Variants in NAGS observed in about 807,000 individuals in gnomAD.
The protein encoded by NAGS is N-acetylglutamate synthase.
Under a neutral mutation model 46.9 loss-of-function variants are expected in NAGS, and 34 were observed. The observed-to-expected ratio is 0.72, with a 90% confidence interval of 0.55 to 0.97. The LOEUF (loss-of-function observed/expected upper bound fraction) is 0.97, where lower values mean the gene tolerates loss of function less well. Among genes scored for constraint, NAGS ranks in the 50% least tolerant of loss-of-function variants. The pLI, the probability that NAGS is intolerant of heterozygous loss-of-function variation, is 0.00. For synonymous variants in NAGS, 334 were observed against 346.3 expected, an observed-to-expected ratio of 0.96 and a Z score of 0.39; for missense variants, 665 against 747.0, an observed-to-expected ratio of 0.89 and a Z score of 1.28.
At position 44,007,596 on chromosome 17, in the gene NAGS, A is replaced by G. The variant is rs752635329; in HGVS notation, c.1274A>G (p.Asn425Ser). 235 of 1,608,962 alleles carry G rather than the reference A, an allele frequency of 1.5e-4. No homozygotes were observed. Among genetic ancestry groups the G allele is most frequent in the Non-Finnish European group, 1.9e-4 (225 of 1,178,110 alleles). The change falls in exon 6 of 7, where the codon AAC (asparagine) becomes AGC (serine). Residue 425 changes from asparagine to serine, a missense_variant. By Grantham distance (46) the Asn-to-Ser change is conservative. Coordinates refer to ENST00000293404, the MANE Select transcript of NAGS (RefSeq NM_153006.3). The surrounding 1 kb of genome is among the most constrained non-coding windows in gnomAD (Gnocchi z 5.1). Reference sequence around the variant, plus strand: ...CCGCTCTCCCGCTGCGCCAGGTACAACGCCGCCGCCATTCTGACCATGGAG... The same window carrying G: ...CCGCTCTCCCGCTGCGCCAGGTACAGCGCCGCCGCCATTCTGACCATGGAG... ...LHSIYVSEGY[N>S]AAAILTMEPV...
At position 44,005,463 on chromosome 17, in the gene NAGS, G is replaced by A. The variant is rs1338130675; in HGVS notation, c.427-174G>A. Among the ~76,000 whole-genome samples the A allele has an allele frequency of 6.6e-6, 1 of 152,222 alleles. No homozygotes were observed. On this transcript the variant is annotated intron_variant, in intron 1 of 6. Coordinates refer to ENST00000293404, the MANE Select transcript of NAGS (RefSeq NM_153006.3). The surrounding 1 kb of genome is among the most constrained non-coding windows in gnomAD (Gnocchi z 7.2). The stretch of plus-strand genomic sequence containing the variant: ...CGGGAGGTACCCCAGCGTGAGACAA[G>A]GGAGTGGCAAGACCCAACGGGGCAA...
At position 44,008,845 on chromosome 17, in the gene NAGS, C is replaced by T. The variant is rs979095853; in HGVS notation, c.*244C>T. 3.4e-6 allele frequency: 2 copies of T among 579,834 alleles called. No individual in the cohort carries two copies. The highest frequency in any genetic ancestry group is 3.0e-5 in the East Asian group (1 of 33,344). The allele number at this position is 579,834 out of a possible 1,614,324, so 35.9% of individuals were successfully genotyped here. A position where few individuals can be genotyped will look rare whatever the true frequency, so the allele number is the denominator to read the frequency against. ...TCTAAAGCTACAACCAAATGGCCTT[C>T]GATTTTCAACCTGGGGATTAGGGGA... On this transcript the variant is annotated 3_prime_UTR_variant, in exon 7 of 7. Coordinates refer to ENST00000293404, the MANE Select transcript of NAGS (RefSeq NM_153006.3).
chr17:44,008,052 C>T (rs1225991936), intron 6 of NAGS, among the ~76,000 whole-genome samples: 1 of 152,196 alleles, frequency 6.6e-6, no homozygotes, highest in Non-Finnish European at 1.5e-5. Context: ...TGGAGGCCTG[C>T]GGCGCCTCCA....
rs2049122574 is a variant in NAGS at position 44,008,481 on chromosome 17, C to G, written c.1485C>G (p.Asn495Lys). The G allele has an allele frequency of 6.2e-7, 1 of 1,614,138 alleles. No individual in the cohort carries two copies. Among genetic ancestry groups the G allele is most frequent in the Admixed American group, 1.7e-5 (1 of 60,010 alleles). ...AACACAGTGATGGCAGCTTCTCCAA[C>G]AAGCAGTGGATCTTCTTCTGGTTTG... is the stretch of plus-strand genomic sequence containing the variant. ...YFKHSDGSFSNKQWIFFWFGL... is the reference protein window; with the variant it reads ...YFKHSDGSFSKKQWIFFWFGL... Residue 495 changes from asparagine to lysine, a missense_variant, in exon 7 of 7, where the codon AAC becomes AAG. By Grantham distance (94) the Asn-to-Lys change is moderately conservative. Transcript: ENST00000293404.
chr17:44,005,176 G>T lies in NAGS; in HGVS notation c.426+87G>T. 1 of 1,484,776 alleles carries T rather than the reference G, an allele frequency of 6.7e-7. No individual in the cohort carries two copies. Among genetic ancestry groups the T allele is most frequent in the Non-Finnish European group, 9.0e-7 (1 of 1,115,936 alleles). 92.0% of individuals were successfully genotyped at this position (1,484,776 alleles called of 1,614,324 possible). A position where few individuals can be genotyped will look rare whatever the true frequency, so the allele number is the denominator to read the frequency against. ...CCTCAGGCATGGCAGGATACGCTGC[G>T]GGCTCTGCGCAGCGGAAGCGGGAAG... On this transcript the variant is annotated intron_variant, in intron 1 of 6. Coordinates refer to ENST00000293404, the MANE Select transcript of NAGS (RefSeq NM_153006.3). The surrounding 1 kb of genome is among the most constrained non-coding windows in gnomAD (Gnocchi z 7.2).
Position 44,006,244 on chromosome 17 carries a change from C to T in NAGS, c.915+7C>T, listed in dbSNP as rs756657125. 1 of 1,612,904 alleles carries T rather than the reference C, an allele frequency of 6.2e-7. No individual in the cohort carries two copies. The highest frequency in any genetic ancestry group is 1.1e-5 in the South Asian group (1 of 91,032). On this transcript the variant is annotated splice_region_variant and intron_variant, in intron 3 of 6. Coordinates refer to ENST00000293404, the MANE Select transcript of NAGS (RefSeq NM_153006.3). This position sits in a 1 kb window ranked among gnomAD's most constrained non-coding sequence, Gnocchi z 4.8. ...GCGCGACAGCAGTCATAAGGTGCGG[C>T]CCTTTCTTTCACCTTCCCCCACGCC...
rs1217858103 is a variant in NAGS, at chr17:44,006,870, G to A, written c.1096+161G>A. 1.2e-5 allele frequency: 9 copies of A among 724,662 alleles called. No homozygotes were observed. The highest frequency in any genetic ancestry group is 1.9e-5 in the South Asian group (1 of 52,876). The allele number at this position is 724,662 out of a possible 1,614,324, so 44.9% of individuals were successfully genotyped here. On this transcript the variant is annotated intron_variant, in intron 4 of 6. Coordinates refer to ENST00000293404, the MANE Select transcript of NAGS (RefSeq NM_153006.3). The surrounding 1 kb of genome is among the most constrained non-coding windows in gnomAD (Gnocchi z 4.8). ...GCTCCTGCTGCTGCCGAAACCCGGG[G>A]GAGGTGAGAGAGGAGGAGACCCAGT... is the stretch of plus-strand genomic sequence containing the variant.
At position 44,006,473 on chromosome 17, in the gene NAGS, A is replaced by AG. The variant is rs1186034913; in HGVS notation, c.916-50dup. ...AGAGAAAAGAGAGGTCCGTGGGGGT[A>AG]GGGGGGCAGTCCGTGCCGGCTGTGG... On this transcript the variant is annotated intron_variant, in intron 3 of 6. Coordinates refer to ENST00000293404, the MANE Select transcript of NAGS (RefSeq NM_153006.3). The surrounding 1 kb of genome is among the most constrained non-coding windows in gnomAD (Gnocchi z 4.8). 6.5e-7 allele frequency: 1 copy of AG among 1,541,882 alleles called. No individual in the cohort carries two copies.
chr17:44,006,278 G>C lies in NAGS; in HGVS notation c.915+41G>C, dbSNP rs1328512376. On this transcript the variant is annotated intron_variant, in intron 3 of 6. Coordinates refer to ENST00000293404, the MANE Select transcript of NAGS (RefSeq NM_153006.3). This position sits in a 1 kb window ranked among gnomAD's most constrained non-coding sequence, Gnocchi z 4.8. ...TCACCTTCCCCCACGCCGGCGATCC[G>C]GGCCTTCTCTTGCGCCCCTCGCACT... 8.7e-6 allele frequency: 14 copies of C among 1,600,796 alleles called. No individual in the cohort carries two copies. The highest frequency in any genetic ancestry group is 1.3e-5 in the African/African-American group (1 of 74,700).
Position 44,004,696 on chromosome 17 carries a change from G to A in NAGS, c.33G>A (p.Arg11=), listed in dbSNP as rs753640395. The change falls in exon 1 of 7, where the codon CGG becomes CGA. Residue 11 remains arginine, a synonymous_variant. Transcript: ENST00000293404. MATALMAVVL[R]AAAVAPRLRG... ...CGGCGCTGATGGCTGTGGTTCTGCGGGCAGCTGCTGTAGCCCCGAGGCTGA... is the reference window on the plus strand; with the variant it reads ...CGGCGCTGATGGCTGTGGTTCTGCGAGCAGCTGCTGTAGCCCCGAGGCTGA... The A allele has an allele frequency of 6.5e-7, 1 of 1,529,940 alleles. No individual in the cohort carries two copies. Among genetic ancestry groups the A allele is most frequent in the South Asian group, 1.3e-5 (1 of 79,054 alleles). The allele number at this position is 1,529,940 out of a possible 1,614,324, so 94.8% of individuals were successfully genotyped here. A position where few individuals can be genotyped will look rare whatever the true frequency, so the allele number is the denominator to read the frequency against.
rs977394522 is a variant in NAGS at position 44,006,926 on chromosome 17, G to A, written c.1096+217G>A. 3 of 561,008 alleles carry A rather than the reference G, an allele frequency of 5.3e-6. No homozygotes were observed. The highest frequency in any genetic ancestry group is 9.2e-6 in the Non-Finnish European group (3 of 324,512). 34.8% of individuals were successfully genotyped at this position (561,008 alleles called of 1,614,324 possible). On this transcript the variant is annotated intron_variant, in intron 4 of 6. Coordinates refer to ENST00000293404, the MANE Select transcript of NAGS (RefSeq NM_153006.3). This position sits in a 1 kb window ranked among gnomAD's most constrained non-coding sequence, Gnocchi z 4.8. ...GGAAGGGAACTCCGAAGGAATTAAA[G>A]GAATGGGCGGGACTAGGGGGGAGAA... is the stretch of plus-strand genomic sequence containing the variant.
In NAGS at chr17:44,004,693, G is replaced by C. The variant is rs530353203; in HGVS notation, c.30G>C (p.Leu10=). 18 of 1,530,922 alleles carry C rather than the reference G, an allele frequency of 1.2e-5. No homozygotes were observed. In the African/African-American group the frequency reaches 2.4e-4, roughly 20 times the overall value. The allele number at this position is 1,530,922 out of a possible 1,614,324, so 94.8% of individuals were successfully genotyped here. A position where few individuals can be genotyped will look rare whatever the true frequency, so the allele number is the denominator to read the frequency against. Residue 10 remains leucine, a synonymous_variant, in exon 1 of 7, where the codon CTG becomes CTC. Transcript: ENST00000293404. MATALMAVV[L]RAAAVAPRLR... is the part of the protein sequence containing the mutation. ...CGACGGCGCTGATGGCTGTGGTTCT[G>C]CGGGCAGCTGCTGTAGCCCCGAGGC...
At position 44,006,901 on chromosome 17, in the gene NAGS, G is replaced by A; in HGVS notation, c.1096+192G>A. 3.3e-6 allele frequency: 2 copies of A among 614,994 alleles called. No individual in the cohort carries two copies. The highest frequency in any genetic ancestry group is 5.5e-6 in the Non-Finnish European group (2 of 361,670). The allele number at this position is 614,994 out of a possible 1,614,324, so 38.1% of individuals were successfully genotyped here. A position where few individuals can be genotyped will look rare whatever the true frequency, so the allele number is the denominator to read the frequency against. On this transcript the variant is annotated intron_variant, in intron 4 of 6. Coordinates refer to ENST00000293404, the MANE Select transcript of NAGS (RefSeq NM_153006.3). This position sits in a 1 kb window ranked among gnomAD's most constrained non-coding sequence, Gnocchi z 4.8. The stretch of plus-strand genomic sequence containing the variant: ...GAGAGAGGAGGAGACCCAGTGTACT[G>A]GAAGGGAACTCCGAAGGAATTAAAG...
rs760596223 is a variant in NAGS at position 44,006,221 on chromosome 17, G to A, written c.899G>A (p.Arg300His). 6 of 1,613,098 alleles carry A rather than the reference G, an allele frequency of 3.7e-6. No individual in the cohort carries two copies. The African/African-American group carries it at 5.3e-5, about 14-fold the overall frequency. The change falls in exon 3 of 7, where the codon CGC becomes CAC. Residue 300 changes from arginine to histidine, a missense_variant. Coordinates refer to ENST00000293404, the MANE Select transcript of NAGS (RefSeq NM_153006.3). This position sits in a 1 kb window ranked among gnomAD's most constrained non-coding sequence, Gnocchi z 4.8. ...IIFLNNTGGL[R>H]DSSHKVLSNV... ...TTCCTCAATAACACAGGCGGCCTGC[G>A]CGACAGCAGTCATAAGGTGCGGCCC...
chr17:44,005,166 G>T lies in NAGS; in HGVS notation c.426+77G>T. On this transcript the variant is annotated intron_variant, in intron 1 of 6. Coordinates refer to ENST00000293404, the MANE Select transcript of NAGS (RefSeq NM_153006.3). The surrounding 1 kb of genome is among the most constrained non-coding windows in gnomAD (Gnocchi z 7.2). Reference sequence around the variant, plus strand: ...GGCCACCTGTCCTCAGGCATGGCAGGATACGCTGCGGGCTCTGCGCAGCGG... The same window carrying T: ...GGCCACCTGTCCTCAGGCATGGCAGTATACGCTGCGGGCTCTGCGCAGCGG... 1 of 1,496,200 alleles carries T rather than the reference G, an allele frequency of 6.7e-7. No homozygotes were observed. Among genetic ancestry groups the T allele is most frequent in the Non-Finnish European group, 8.9e-7 (1 of 1,121,242 alleles). The allele number at this position is 1,496,200 out of a possible 1,614,324, so 92.7% of individuals were successfully genotyped here. A position where few individuals can be genotyped will look rare whatever the true frequency, so the allele number is the denominator to read the frequency against.
Position 44,007,270 on chromosome 17 carries a change from A to G in NAGS, c.1097-53A>G. The G allele has an allele frequency of 6.3e-7, 1 of 1,586,322 alleles. No homozygotes were observed. Among genetic ancestry groups the G allele is most frequent in the Non-Finnish European group, 8.6e-7 (1 of 1,161,458 alleles). ...GCCTGTCCTACCTGCAGTCCCCACC[A>G]GGCTGCGCAAACGGCCCTCCAGCCA... On this transcript the variant is annotated intron_variant, in intron 4 of 6. Transcript: ENST00000293404. The surrounding 1 kb of genome is among the most constrained non-coding windows in gnomAD (Gnocchi z 5.1).
In NAGS at chr17:44,006,566, T is replaced by C; in HGVS notation, c.953T>C (p.Leu318Pro). Residue 318 changes from leucine to proline, a missense_variant, in exon 4 of 7, where the codon CTG becomes CCG. By Grantham distance (98) the Leu-to-Pro change is moderately conservative (BLOSUM62 -3). Coordinates refer to ENST00000293404, the MANE Select transcript of NAGS (RefSeq NM_153006.3). This position sits in a 1 kb window ranked among gnomAD's most constrained non-coding sequence, Gnocchi z 4.8. ...SNVNLPADLD[L>P]VCNAEWVSTK... ...GTGAACCTGCCCGCCGACCTGGACC[T>C]GGTGTGCAACGCCGAGTGGGTGAGC... 6.3e-7 allele frequency: 1 copy of C among 1,575,260 alleles called. No individual in the cohort carries two copies. The highest frequency in any genetic ancestry group is 1.2e-5 in the South Asian group (1 of 86,708).
In NAGS at chr17:44,007,802, TGG is replaced by T. The variant is rs1184132566; in HGVS notation, c.1451+31_1451+32del. On this transcript the variant is annotated intron_variant, in intron 6 of 6. Transcript: ENST00000293404. This position sits in a 1 kb window ranked among gnomAD's most constrained non-coding sequence, Gnocchi z 5.1. ...GGTCCTGCCACTCCCAGCTCTGGGCTGGGCCCTGACTTCCCTCCCCTCTCCCA... is the reference window on the plus strand; with the variant it reads ...GGTCCTGCCACTCCCAGCTCTGGGCTGCCCTGACTTCCCTCCCCTCTCCCA... The T allele has an allele frequency of 1.9e-6, 3 of 1,566,354 alleles. No individual in the cohort carries two copies. The highest frequency in any genetic ancestry group is 2.6e-6 in the Non-Finnish European group (3 of 1,153,908).
At position 44,007,126 on chromosome 17, in the gene NAGS, G is replaced by A. The variant is rs569439177; in HGVS notation, c.1097-197G>A. 2 of 624,282 alleles carry A rather than the reference G, an allele frequency of 3.2e-6. No homozygotes were observed. The highest frequency in any genetic ancestry group is 3.7e-5 in the African/African-American group (2 of 54,372). The allele number at this position is 624,282 out of a possible 1,614,324, so 38.7% of individuals were successfully genotyped here. A position where few individuals can be genotyped will look rare whatever the true frequency, so the allele number is the denominator to read the frequency against. ...GCTCCAGGCGACAGGAGGAACTTGG[G>A]GCACAATCTCTGCCTGGGGAAAGCA... On this transcript the variant is annotated intron_variant, in intron 4 of 6. Coordinates refer to ENST00000293404, the MANE Select transcript of NAGS (RefSeq NM_153006.3). The surrounding 1 kb of genome is among the most constrained non-coding windows in gnomAD (Gnocchi z 5.1).
Sources: gnomAD v4.1 joint callset for allele counts (sites outside exome capture counted in the v4.1 genomes callset) on GRCh38, gnomAD v4.1.1 for gene constraint, Gnocchi (gnomAD v3.1) non-coding constraint, MANE v1.5 for transcripts, NCBI Gene and HGNC (gene_info 2026-07-23, HGNC 2026-07-21) for gene names.